The following SDHA variants were observed in gnomAD, a reference collection of about 807,000 sequenced individuals.
SDHA encodes the protein succinate dehydrogenase [ubiquinone] flavoprotein subunit, mitochondrial.
A neutral mutation model predicts 78.4 loss-of-function variants in SDHA; 48 were observed. The ratio of observed to expected loss-of-function variants is 0.61; its 90% confidence interval spans 0.49 to 0.78. The LOEUF is 0.78. Among genes scored for constraint, SDHA ranks in the 30% least tolerant of loss-of-function variants. SDHA has a pLI of 0.00. For missense variants in SDHA, 680 were observed against 892.7 expected, an observed-to-expected ratio of 0.76 and a Z score of 3.04; for synonymous variants, 326 against 353.9, an observed-to-expected ratio of 0.92 and a Z score of 0.88.
At position 225,526 on chromosome 5, in the gene SDHA, C is replaced by G. The variant is rs747232441; in HGVS notation, c.420C>G (p.His140Gln). The change falls in exon 4 of 15, where the codon CAC becomes CAG. Residue 140 changes from histidine (H) to glutamine (Q), a missense_variant. His to Gln is a conservative substitution (Grantham distance 24). Transcript: ENST00000264932. The part of the protein sequence containing the change: ...SDWLGDQDAI[H>Q]YMTEQAPAAV... ...GGCTGGGGGACCAGGATGCCATCCA[C>G]TACATGACGGAGCAGGCCCCCGCCG... 3 of 1,613,818 alleles carry G rather than the reference C, an allele frequency of 1.9e-6. No individual in the cohort carries two copies. The highest frequency in any genetic ancestry group is 2.5e-6 in the Non-Finnish European group (3 of 1,179,796).
At chr5:237,915 C>T (rs1339718312) in intron 10 of SDHA, among the ~76,000 whole-genome samples, 1 of 136,044 alleles carries the variant, frequency 7.4e-6, no homozygotes, top group Non-Finnish European at 1.5e-5. Flanking sequence ...TCGGCGAAGG[C>T]GGAGTTCAGG....
the SDHA span, among the ~76,000 whole-genome samples, chr5:262,407 G>A: frequency 1.3e-5 from 2 of 151,854 alleles, no homozygotes; most frequent in East Asian, 1.9e-4. Context: ...TGTGAGATCC[G>A]CCCCCTGTCA....
the SDHA span, among the ~76,000 whole-genome samples, chr5:262,868 A>T: frequency 6.6e-6 from 1 of 152,158 alleles, no homozygotes; most frequent in Non-Finnish European, 1.5e-5. Flanking sequence ...GCACCAACTT[A>T]ATATGATAAA....
the SDHA span, among the ~76,000 whole-genome samples, chr5:267,464 A>C: frequency 6.6e-6 from 1 of 152,234 alleles, no homozygotes; most frequent in African/African-American, 2.4e-5. Flanking sequence ...ACACTTGCAT[A>C]TGCTTGTTCA....
chr5:221,629 C>T (rs1235519407), intron 1 of SDHA, among the ~76,000 whole-genome samples: 1 of 139,016 alleles, frequency 7.2e-6, no homozygotes, highest in Non-Finnish European at 1.5e-5. Flanking sequence ...GTTATATGTT[C>T]CCCATTTTTT....
intron 11 of SDHA, among the ~76,000 whole-genome samples, chr5:242,073 G>C (rs911849596): frequency 4.6e-5 from 7 of 152,220 alleles, no homozygotes; most frequent in African/African-American, 1.7e-4. Flanking sequence ...CGAGATGCTG[G>C]AGTCAGCACT....
chr5:258,321 C>T (rs1372360160), downstream of SDHA, among the ~76,000 whole-genome samples: 5 of 122,774 alleles, frequency 4.1e-5, 1 homozygote, highest in Admixed American at 3.1e-4. Flanking sequence ...CTGTGAGCTC[C>T]GCCCCCCTGT....
At chr5:258,738 G>A (rs1266793515), downstream of SDHA, among the ~76,000 whole-genome samples, 3 of 95,868 alleles carry the variant, frequency 3.1e-5, no homozygotes, top group African/African-American at 1.4e-4. Flanking sequence ...TCCGCCTCCC[G>A]TCCGAGCATT....
In SDHA at chr5:251,424, G is replaced by A. The variant is rs878854629; in HGVS notation, c.1750G>A (p.Ala584Thr). 4 of 1,613,852 alleles carry A rather than the reference G, an allele frequency of 2.5e-6. No individual in the cohort carries two copies. The African/African-American group carries it at 4.0e-5, about 16-fold the overall frequency. ...GCTGCAGACCATCTACGGAGCAGAG[G>A]CACGGAAGGAGTCACGGGGCGCGCA... ...CALQTIYGAE[A>T]RKESRGAHAR... Residue 584 changes from alanine (A) to threonine (T), a missense_variant, in exon 13 of 15, where the codon GCA becomes ACA. Coordinates refer to ENST00000264932, the MANE Select transcript of SDHA (RefSeq NM_004168.4).
At chr5:264,489 C>G in the SDHA span, among the ~76,000 whole-genome samples, 1 of 151,706 alleles carries the variant, frequency 6.6e-6, no homozygotes, top group Non-Finnish European at 1.5e-5. Flanking sequence ...CCTTCACCAG[C>G]CCACGCTCCA....
downstream of SDHA, among the ~76,000 whole-genome samples, chr5:259,535 C>G (rs1431951838): frequency 1.7e-4 from 3 of 17,658 alleles, no homozygotes; most frequent in Admixed American, 5.0e-4. Context: ...CCGCCTCCCG[C>G]CAGAGCATTA....
the SDHA span, among the ~76,000 whole-genome samples, chr5:266,943 CACCATCCT>C: frequency 6.9e-5 from 9 of 131,120 alleles, no homozygotes; most frequent in Non-Finnish European, 1.3e-4. Context: ...TTCAGACCTG[CACCATCCT>C]GAGCAGTAGC....
chr5:262,906 AG>A, the SDHA span, among the ~76,000 whole-genome samples: 1 of 152,216 alleles, frequency 6.6e-6, no homozygotes, highest in Non-Finnish European at 1.5e-5. Flanking sequence ...ATTTTTGGTA[AG>A]AAAAACCTTT....
chr5:230,829 C>CCCA (rs1553998587), intron 6 of SDHA, 47 bp from the exon 7 acceptor site: 27 of 1,613,510 alleles, frequency 1.7e-5, no homozygotes, highest in Non-Finnish European at 2.2e-5. Context: ...GATAGGAGGT[C>CCCA]CAGATGTGGG....
chr5:235,084 T>C (rs1350577786), intron 8 of SDHA, 60 bp from the exon 9 acceptor site: 1 of 1,516,392 alleles, frequency 6.6e-7, no homozygotes, highest in Non-Finnish European at 9.2e-7. Context: ...AGATGACGTA[T>C]TCTCAGGTCT....
At chr5:227,300 G>A (rs1213973474) in intron 5 of SDHA, among the ~76,000 whole-genome samples, 4 of 152,292 alleles carry the variant, frequency 2.6e-5, no homozygotes, top group Middle Eastern at 3.4e-3. Flanking sequence ...GTGAGCCACC[G>A]CACCCGGCCA....
intron 6 of SDHA, among the ~76,000 whole-genome samples, chr5:230,371 A>C (rs2126566092): frequency 6.6e-6 from 1 of 152,336 alleles, no homozygotes. Flanking sequence ...TCACGCCTGT[A>C]ATCCCGGCAC....
At chr5:224,302 A>G (rs922985477) in intron 2 of SDHA, 58 bp from the exon 3 acceptor site, 13 of 1,560,952 alleles carry the variant, frequency 8.3e-6, no homozygotes, top group African/African-American at 1.4e-5. Flanking sequence ...CTGTCACAAG[A>G]TTCTTCATGT....
chr5:243,016 T>A (rs1736238677), intron 11 of SDHA, among the ~76,000 whole-genome samples: 1 of 152,166 alleles, frequency 6.6e-6, no homozygotes, highest in African/African-American at 2.4e-5. Flanking sequence ...TCCAGATCTT[T>A]CTTTTCCAGA....
Sources: gnomAD v4.1 joint callset for allele counts (sites outside exome capture counted in the v4.1 genomes callset) on GRCh38, gnomAD v4.1.1 for gene constraint, MANE v1.5 for transcripts, NCBI Gene and HGNC (gene_info 2026-07-23, HGNC 2026-07-21) for gene names.